ST6GALNAC3: variants seen among roughly 807,000 people sequenced by gnomAD.
ST6GALNAC3 encodes ST6 N-acetylgalactosaminide alpha-2,6-sialyltransferase 3.
ST6GALNAC3 carries 25 observed loss-of-function variants against 32.7 expected under a neutral mutation model. The observed-to-expected ratio is 0.76, with a 90% CI of 0.56 to 1.07. The LOEUF is 1.07. ST6GALNAC3 is among the 50% of genes least tolerant of loss of function. ST6GALNAC3 has a pLI of 0.00. For synonymous variants in ST6GALNAC3, 129 were observed against 133.1 expected (o/e 0.97, Z 0.21); for missense variants, 355 against 382.4 (o/e 0.93, Z 0.60).
In ST6GALNAC3 at chr1:76,569,796, T is replaced by C. The variant is rs1242078820; in HGVS notation, c.624-57656T>C. On this transcript the variant is annotated intron_variant, in intron 3 of 4. Transcript: ENST00000328299. ...ACTGAGTAATTGGGTGCTGCAGGGC[T>C]TACTGTTCAATACTGAGTCATTTTG... Among the ~76,000 whole-genome samples the C allele has an allele frequency of 1.4e-4, 22 of 152,274 alleles. No homozygotes were observed. The East Asian group carries it at 4.3e-3, about 29-fold the overall frequency.
At chr1:76,241,333 C>A (rs1414950238) in intron 1 of ST6GALNAC3, among the ~76,000 whole-genome samples, 1 of 152,192 alleles carries the variant, frequency 6.6e-6, no homozygotes, top group Admixed American at 6.5e-5. Flanking sequence ...ATGAGGCCCA[C>A]AAACTGCTTC....
At chr1:76,446,981 A>C (rs182641933) in intron 3 of ST6GALNAC3, among the ~76,000 whole-genome samples, 1 of 152,334 alleles carries the variant, frequency 6.6e-6, no homozygotes, top group East Asian at 1.9e-4. Context: ...AAAGATACCT[A>C]AAAACGTGGA....
At chr1:76,103,963 C>T (rs1379854680) in intron 1 of ST6GALNAC3, among the ~76,000 whole-genome samples, 1 of 152,186 alleles carries the variant, frequency 6.6e-6, no homozygotes, top group East Asian at 1.9e-4. Flanking sequence ...TCACAAGTCT[C>T]AGAGATTAAA....
intron 1 of ST6GALNAC3, among the ~76,000 whole-genome samples, chr1:76,303,915 T>C (rs1226111838): frequency 6.6e-6 from 1 of 151,992 alleles, no homozygotes; most frequent in East Asian, 1.9e-4. Flanking sequence ...CTTTATATTT[T>C]AAATTTTTCT....
intron 1 of ST6GALNAC3, among the ~76,000 whole-genome samples, chr1:76,155,517 G>T (rs1055038483): frequency 6.6e-6 from 1 of 152,022 alleles, no homozygotes; most frequent in Non-Finnish European, 1.5e-5. Context: ...GTCCAGGCTG[G>T]AGTGCGGTGG....
intron 3 of ST6GALNAC3, among the ~76,000 whole-genome samples, chr1:76,570,970 G>A (rs939006608): frequency 6.6e-6 from 1 of 151,886 alleles, no homozygotes; most frequent in Non-Finnish European, 1.5e-5. Context: ...TACCCTTTTA[G>A]ACAACTAAAA....
intron 1 of ST6GALNAC3, among the ~76,000 whole-genome samples, chr1:76,090,090 G>A (rs144261487): frequency 1.3e-5 from 2 of 152,162 alleles, no homozygotes; most frequent in South Asian, 2.1e-4. Flanking sequence ...TGCTAGTGGG[G>A]CCAGGGAATA....
chr1:76,627,553 A>G lies in ST6GALNAC3; in HGVS notation c.725A>G (p.Tyr242Cys). 1 of 1,608,988 alleles carries G rather than the reference A, an allele frequency of 6.2e-7. No individual in the cohort carries two copies. The highest frequency in any genetic ancestry group is 1.1e-5 in the South Asian group (1 of 90,854). ...GTCTACGGGATGATAAATGACACCT[A>G]CTGCAAGTAAGATCACAAGAAATTA... ...IHVYGMINDT[Y>C]CKTEGYRKVP... is the part of the protein sequence containing the mutation. Residue 242 changes from tyrosine (Y) to cysteine (C), a missense_variant, in exon 4 of 5, where the codon TAC becomes TGC. Physicochemically the swap from Tyr to Cys is radical, Grantham distance 194. Coordinates refer to ENST00000328299, the MANE Select transcript of ST6GALNAC3 (RefSeq NM_152996.4).
intron 2 of ST6GALNAC3, among the ~76,000 whole-genome samples, chr1:76,382,350 G>A (rs1342149735): frequency 1.3e-5 from 2 of 152,160 alleles, no homozygotes; most frequent in African/African-American, 2.4e-5. Flanking sequence ...TGATTAATAT[G>A]TGTAAGAAAA....
At chr1:76,575,143 C>T (rs946694114) in intron 3 of ST6GALNAC3, among the ~76,000 whole-genome samples, 1 of 152,122 alleles carries the variant, frequency 6.6e-6, no homozygotes, top group African/African-American at 2.4e-5. Flanking sequence ...GCCATAGCAA[C>T]AGTTCACCTT....
intron 3 of ST6GALNAC3, among the ~76,000 whole-genome samples, chr1:76,499,164 T>G (rs1314155819): frequency 6.6e-6 from 1 of 152,194 alleles, no homozygotes; most frequent in Admixed American, 6.6e-5. Context: ...TGCCACTGAC[T>G]TATCATTTTT....
intron 3 of ST6GALNAC3, among the ~76,000 whole-genome samples, chr1:76,491,016 G>A (rs1246572253): frequency 6.6e-6 from 1 of 151,632 alleles, no homozygotes; most frequent in African/African-American, 2.4e-5. Flanking sequence ...GCGCCACCAC[G>A]CCCGGCTAAT....
intron 3 of ST6GALNAC3, among the ~76,000 whole-genome samples, chr1:76,576,565 T>C (rs1376040247): frequency 2.0e-5 from 3 of 151,962 alleles, no homozygotes; most frequent in Non-Finnish European, 4.4e-5. Context: ...AATATTAGCC[T>C]TCGGAGACAC....
rs541712516 is a variant in ST6GALNAC3 at position 76,423,863 on chromosome 1, C to G, written c.623+11446C>G. Among the ~76,000 whole-genome samples, 18 of 151,912 alleles carry G rather than the reference C, an allele frequency of 1.2e-4. 1 individual carries two copies. Among genetic ancestry groups the G allele is most frequent in the African/African-American group, 4.3e-4 (18 of 41,482 alleles). ...AGAGAGAAGGGGATATAGTTGGGAGCTTTTGGGAAGGATTGTCAATCTATC... is the reference window on the plus strand; with the variant it reads ...AGAGAGAAGGGGATATAGTTGGGAGGTTTTGGGAAGGATTGTCAATCTATC... On this transcript the variant is annotated intron_variant, in intron 3 of 4. Transcript: ENST00000328299.
At chr1:76,246,674 CA>C (rs758478104) in intron 1 of ST6GALNAC3, among the ~76,000 whole-genome samples, 3 of 152,144 alleles carry the variant, frequency 2.0e-5, no homozygotes, top group African/African-American at 2.4e-5. Flanking sequence ...ATGCTCCTCT[CA>C]AAACTGGTTA....
intron 2 of ST6GALNAC3, among the ~76,000 whole-genome samples, chr1:76,346,337 A>G (rs1466410449): frequency 6.6e-6 from 1 of 152,126 alleles, no homozygotes; most frequent in Non-Finnish European, 1.5e-5. Flanking sequence ...TCCATGTCCA[A>G]GGCCCATGCT....
rs189206935 is a variant in ST6GALNAC3 at position 76,151,577 on chromosome 1, C to T, written c.18+76693C>T. ...CCAATAAAGGATGTGCTATCAAGCT[C>T]GCCATCACTGTGGACAGCTGCAGCT... is the stretch of plus-strand genomic sequence containing the variant. On this transcript the variant is annotated intron_variant, in intron 1 of 4. Coordinates refer to ENST00000328299, the MANE Select transcript of ST6GALNAC3 (RefSeq NM_152996.4). 2.2e-4 allele frequency among the ~76,000 whole-genome samples: 33 copies of T among 152,244 alleles called. No homozygotes were observed. In the East Asian group the frequency reaches 6.0e-3, roughly 28 times the overall value.
intron 3 of ST6GALNAC3, among the ~76,000 whole-genome samples, chr1:76,616,252 T>C (rs1163517112): frequency 6.6e-6 from 1 of 152,226 alleles, no homozygotes; most frequent in Non-Finnish European, 1.5e-5. Context: ...AAAATCTGGA[T>C]GGACCTCAAA....
intron 3 of ST6GALNAC3, among the ~76,000 whole-genome samples, chr1:76,546,433 C>T (rs1057310293): frequency 6.6e-6 from 1 of 152,120 alleles, no homozygotes; most frequent in African/African-American, 2.4e-5. Context: ...CATTCTTATT[C>T]ATGACCTGGA....
Sources: gnomAD v4.1 joint callset for allele counts (sites outside exome capture counted in the v4.1 genomes callset) on GRCh38, gnomAD v4.1.1 for gene constraint, MANE v1.5 for transcripts, NCBI Gene and HGNC (gene_info 2026-07-23, HGNC 2026-07-21) for gene names.